ZNF66: variants seen among roughly 807,000 people sequenced by gnomAD.
ZNF66 encodes zinc finger protein 66.
Under a neutral mutation model 35.2 loss-of-function variants are expected in ZNF66, and 32 were observed. That is an observed-to-expected ratio of 0.91 (90% CI 0.69 to 1.22). The LOEUF (loss-of-function observed/expected upper bound fraction) is 1.22, where lower values mean the gene tolerates loss of function less well. Among genes scored for constraint, ZNF66 ranks in the 50% most tolerant of loss-of-function variants. The pLI is 0.00. For missense variants in ZNF66, 666 were observed against 543.1 expected, an observed-to-expected ratio of 1.23 and a Z score of -2.25; for synonymous variants, 231 against 181.3, an observed-to-expected ratio of 1.27 and a Z score of -2.20.
intron 3 of ZNF66, among the ~76,000 whole-genome samples, chr19:20,804,362 GCCT>G (rs1261405239): frequency 1.3e-5 from 2 of 151,996 alleles, no homozygotes; most frequent in South Asian, 2.1e-4. Context: ...TCTTGCCTCA[GCCT>G]CCTCAGTAAC....
intron 1 of ZNF66, among the ~76,000 whole-genome samples, chr19:20,777,114 TAAA>T (rs767934089): frequency 1.9e-4 from 18 of 94,996 alleles, no homozygotes; most frequent in African/African-American, 3.7e-4. Flanking sequence ...GACTCTTGTC[TAAA>T]AAAAAAAAAA....
At chr19:20,777,077 T>C (rs1971201668) in intron 1 of ZNF66, among the ~76,000 whole-genome samples, 1 of 135,522 alleles carries the variant, frequency 7.4e-6, no homozygotes, top group Admixed American at 8.1e-5. Flanking sequence ...ATCCTGCCAC[T>C]GCACTCCAGC....
chr19:20,806,210 A>C lies in ZNF66; in HGVS notation c.610A>C (p.Ile204Leu). Residue 204 changes from isoleucine (I) to leucine (L), a missense_variant, in exon 4 of 4, where the codon ATA becomes CTA. Physicochemically the swap from Ile to Leu is conservative, Grantham distance 5. Transcript: ENST00000344519. ...IHTGEKPYKC[I>L]ECGKAFNRSS... ...TACTGGAGAGAAACCCTATAAATGT[A>C]TAGAATGTGGCAAAGCCTTCAACCG... The C allele has an allele frequency of 7.3e-7, 1 of 1,366,808 alleles. No individual in the cohort carries two copies. Among genetic ancestry groups the C allele is most frequent in the South Asian group, 1.2e-5 (1 of 85,692 alleles). The allele number at this position is 1,366,808 out of a possible 1,614,324, so 84.7% of individuals were successfully genotyped here. A position where few individuals can be genotyped will look rare whatever the true frequency, so the allele number is the denominator to read the frequency against.
At position 20,807,077 on chromosome 19, in the gene ZNF66, T is replaced by C; in HGVS notation, c.1477T>C (p.Ser493Pro). 1.3e-6 allele frequency: 1 copy of C among 795,870 alleles called. No homozygotes were observed. The highest frequency in any genetic ancestry group is 1.4e-5 in the South Asian group (1 of 72,540). 49.3% of individuals were successfully genotyped at this position (795,870 alleles called of 1,614,324 possible). The change falls in exon 4 of 4, where the codon TCC becomes CCC. Residue 493 changes from serine (S) to proline (P), a missense_variant. Coordinates refer to ENST00000344519, the MANE Select transcript of ZNF66 (RefSeq NM_001355197.2). ...AGAATGTGGCAAGGCCTTTAAGTGC[T>C]CCTCTATTCTTACTACACATAAGAG... ...CEECGKAFKC[S>P]SILTTHKRIH...
At position 20,806,446 on chromosome 19, in the gene ZNF66, G is replaced by T. The variant is rs1290088571; in HGVS notation, c.846G>T (p.Glu282Asp). Reference sequence around the variant, plus strand: ...CACATAAGAGAATTCATACTGGAGAGAAACCCTACAAATGTGAAGAATGTG... The same window carrying T: ...CACATAAGAGAATTCATACTGGAGATAAACCCTACAAATGTGAAGAATGTG... Reference protein sequence around the residue: ...LTTHKRIHTGEKPYKCEECGK... With the variant: ...LTTHKRIHTGDKPYKCEECGK... Residue 282 changes from glutamate (E) to aspartate (D), a missense_variant, in exon 4 of 4, where the codon GAG becomes GAT. Glu to Asp is a conservative substitution (Grantham distance 45, BLOSUM62 2). Transcript: ENST00000344519. The T allele has an allele frequency of 6.5e-7, 1 of 1,545,988 alleles. No individual in the cohort carries two copies. Among genetic ancestry groups the T allele is most frequent in the Non-Finnish European group, 8.9e-7 (1 of 1,118,746 alleles).
In ZNF66 at chr19:20,805,977, A is replaced by G. The variant is rs147088448; in HGVS notation, c.377A>G (p.His126Arg). 393 of 766,188 alleles carry G rather than the reference A, an allele frequency of 5.1e-4. 4 individuals carry two copies. The East Asian group carries it at 7.4e-3, about 14-fold the overall frequency. The allele number at this position is 766,188 out of a possible 1,614,324, so 47.5% of individuals were successfully genotyped here. Residue 126 changes from histidine (H) to arginine (R), a missense_variant, in exon 4 of 4, where the codon CAC (histidine) becomes CGC (arginine). By Grantham distance (29) the His-to-Arg change is conservative. Transcript: ENST00000344519. ...GAAAGTGTGGATAAGTGTAAAGTGC[A>G]CAAAAGAGGTTATAATGGACTTAAC... ...GCESVDKCKV[H>R]KRGYNGLNQC...
rs1427380971 is a variant in ZNF66, at chr19:20,806,983, C to T, written c.1383C>T (p.Ala461=). Residue 461 remains alanine, a synonymous_variant, in exon 4 of 4, where the codon GCC becomes GCT. Transcript: ENST00000344519. ...KPYECEDCGK[A]FNRSSNLTKH... is the part of the protein sequence containing the mutation. Reference sequence around the variant, plus strand: ...ACGAATGTGAAGACTGTGGCAAAGCCTTTAACCGCTCCTCTAACCTTACTA... The same window carrying T: ...ACGAATGTGAAGACTGTGGCAAAGCTTTTAACCGCTCCTCTAACCTTACTA... The T allele has an allele frequency of 4.9e-6, 5 of 1,011,102 alleles. No homozygotes were observed. Among genetic ancestry groups the T allele is most frequent in the Non-Finnish European group, 7.9e-6 (5 of 632,920 alleles). 62.6% of individuals were successfully genotyped at this position (1,011,102 alleles called of 1,614,324 possible).
Position 20,807,958 on chromosome 19 carries a change from G to A in ZNF66, c.*636G>A, listed in dbSNP as rs1971541025. On this transcript the variant is annotated 3_prime_UTR_variant, in exon 4 of 4. Transcript: ENST00000344519. ...AGGAGTCAGGGAGTTCCCTTTCCTA[G>A]TCAAAGAAAGGGGTGACAGATGGCA... Among the ~76,000 whole-genome samples the A allele has an allele frequency of 6.6e-6, 1 of 150,688 alleles. No homozygotes were observed. The highest frequency in any genetic ancestry group is 1.5e-5 in the Non-Finnish European group (1 of 67,090).
At chr19:20,794,870 C>CTT (rs59063566) in intron 3 of ZNF66, among the ~76,000 whole-genome samples, 4,237 of 130,872 alleles carry the variant, frequency 0.032, 138 homozygotes, top group Non-Finnish European at 0.048. Flanking sequence ...CAACCAGCAA[C>CTT]TTTTTTTTTT....
rs1366401688 is a variant in ZNF66, at chr19:20,808,362, G to C, written c.*1040G>C. 2.0e-5 allele frequency among the ~76,000 whole-genome samples: 3 copies of C among 152,216 alleles called. No homozygotes were observed. The highest frequency in any genetic ancestry group is 7.2e-5 in the African/African-American group (3 of 41,458). On this transcript the variant is annotated 3_prime_UTR_variant, in exon 4 of 4. Coordinates refer to ENST00000344519, the MANE Select transcript of ZNF66 (RefSeq NM_001355197.2). ...TTTGAAGAGAGTAGTGGTTCTCCCA[G>C]CACGCAGCTGGAGATCTGAGAACGG...
intron 3 of ZNF66, among the ~76,000 whole-genome samples, chr19:20,803,156 A>G (rs1419185123): frequency 6.6e-6 from 1 of 151,700 alleles, no homozygotes; most frequent in Non-Finnish European, 1.5e-5. Flanking sequence ...TTGAATCTTG[A>G]TTTTTAAAAT....
chr19:20,786,121 A>T (rs568833962), intron 1 of ZNF66, among the ~76,000 whole-genome samples: 1 of 152,292 alleles, frequency 6.6e-6, no homozygotes, highest in East Asian at 1.9e-4. Flanking sequence ...ACCAGATGTG[A>T]TATAAACACA....
Position 20,806,520 on chromosome 19 carries a change from A to G in ZNF66, c.920A>G (p.His307Arg), listed in dbSNP as rs553582182. Residue 307 changes from histidine (H) to arginine (R), a missense_variant, in exon 4 of 4, where the codon CAT becomes CGT. His to Arg is a conservative substitution (Grantham distance 29, BLOSUM62 0). Coordinates refer to ENST00000344519, the MANE Select transcript of ZNF66 (RefSeq NM_001355197.2). ...TCCCTTTCTACACATAAGATAATTC[A>G]TACTGGAGAGAAACCCTACAAATGT... is the stretch of plus-strand genomic sequence containing the variant. The part of the protein sequence containing the change: ...LSSLSTHKII[H>R]TGEKPYKCEE... The G allele has an allele frequency of 5.2e-6, 8 of 1,529,214 alleles. No homozygotes were observed. In the East Asian group the frequency reaches 1.4e-4, roughly 26 times the overall value. 94.7% of individuals were successfully genotyped at this position (1,529,214 alleles called of 1,614,324 possible).
At chr19:20,793,317 C>CTTT (rs1971357023) in intron 2 of ZNF66, among the ~76,000 whole-genome samples, 3 of 71,724 alleles carry the variant, frequency 4.2e-5, no homozygotes, top group African/African-American at 9.5e-5. Context: ...CTTTTCTTTT[C>CTTT]TTTTCTTTTC....
Position 20,808,285 on chromosome 19 carries a change from G to C in ZNF66, c.*963G>C, listed in dbSNP as rs539288273. 6.6e-6 allele frequency among the ~76,000 whole-genome samples: 1 copy of C among 152,330 alleles called. No homozygotes were observed. Among genetic ancestry groups the C allele is most frequent in the African/African-American group, 2.4e-5 (1 of 41,590 alleles). On this transcript the variant is annotated 3_prime_UTR_variant, in exon 4 of 4. Transcript: ENST00000344519. ...GCTCCACCTCTGGGGTCAGGGCACA[G>C]ACAAAAAGACAGCAGTAACCTCTGC...
chr19:20,783,379 A>G (rs942946426), intron 1 of ZNF66, among the ~76,000 whole-genome samples: 33 of 152,224 alleles, frequency 2.2e-4, no homozygotes, highest in Non-Finnish European at 2.5e-4. Flanking sequence ...GATTATATGT[A>G]GATATTTTTC....
At chr19:20,779,305 G>T (rs1161161230) in intron 1 of ZNF66, among the ~76,000 whole-genome samples, 2 of 152,150 alleles carry the variant, frequency 1.3e-5, no homozygotes, top group Admixed American at 1.3e-4. Context: ...AGGCAGAAAA[G>T]GGCTTTCTTT....
chr19:20,806,724 G>T lies in ZNF66; in HGVS notation c.1124G>T (p.Gly375Val), dbSNP rs777690224. ...GEKPYKCEEC[G>V]EAFKYSCSLT... ...AAACCCTACAAATGTGAAGAATGTGGTGAAGCCTTTAAGTACTCCTGTTCC... is the reference window on the plus strand; with the variant it reads ...AAACCCTACAAATGTGAAGAATGTGTTGAAGCCTTTAAGTACTCCTGTTCC... The change falls in exon 4 of 4, where the codon GGT becomes GTT. Residue 375 changes from glycine to valine, a missense_variant. Physicochemically the swap from Gly to Val is moderately radical, Grantham distance 109. Coordinates refer to ENST00000344519, the MANE Select transcript of ZNF66 (RefSeq NM_001355197.2). The T allele has an allele frequency of 2.8e-6, 4 of 1,422,036 alleles. No homozygotes were observed. The highest frequency in any genetic ancestry group is 1.4e-5 in the African/African-American group (1 of 71,002). The allele number at this position is 1,422,036 out of a possible 1,614,324, so 88.1% of individuals were successfully genotyped here.
At position 20,807,549 on chromosome 19, in the gene ZNF66, T is replaced by C. The variant is rs1439350842; in HGVS notation, c.*227T>C. On this transcript the variant is annotated 3_prime_UTR_variant, in exon 4 of 4. Coordinates refer to ENST00000344519, the MANE Select transcript of ZNF66 (RefSeq NM_001355197.2). ...ATAGAAACCCTACACCTGTGAAGAA[T>C]GTGGCATAGCCTATAACAATTTTCA... Among the ~76,000 whole-genome samples, 5 of 152,104 alleles carry C rather than the reference T, an allele frequency of 3.3e-5. No individual in the cohort carries two copies. Among genetic ancestry groups the C allele is most frequent in the Admixed American group, 3.3e-4 (5 of 15,264 alleles).
Sources: gnomAD v4.1 joint callset for allele counts (sites outside exome capture counted in the v4.1 genomes callset) on GRCh38, gnomAD v4.1.1 for gene constraint, MANE v1.5 for transcripts, NCBI Gene and HGNC (gene_info 2026-07-23, HGNC 2026-07-21) for gene names.